Variants in CCDC25 observed in about 807,000 individuals in gnomAD.
CCDC25 encodes the protein coiled-coil domain containing 25.
A neutral mutation model predicts 35.3 loss-of-function variants in CCDC25; 16 were observed. That is an observed-to-expected ratio of 0.45 (90% CI 0.31 to 0.69). The LOEUF (loss-of-function observed/expected upper bound fraction) is 0.69. Ranked by LOEUF, CCDC25 falls within the 30% of genes least tolerant of loss-of-function variation. The pLI, the probability that CCDC25 is intolerant of heterozygous loss-of-function variation, is 0.06. For synonymous variants in CCDC25, 79 were observed against 80.3 expected (o/e 0.98, Z 0.09); for missense variants, 179 against 250.7 (o/e 0.71, Z 1.93).
intron 3 of CCDC25, among the ~76,000 whole-genome samples, chr8:27,760,909 T>C (rs1386534614): frequency 1.3e-5 from 2 of 152,144 alleles, no homozygotes; most frequent in Non-Finnish European, 2.9e-5. Context: ...GTAGATCACC[T>C]GAGGTTAGGA....
intron 4 of CCDC25, among the ~76,000 whole-genome samples, chr8:27,755,939 T>C (rs1254101960): frequency 6.6e-6 from 1 of 152,196 alleles, no homozygotes; most frequent in African/African-American, 2.4e-5. Context: ...CTAGACTGGC[T>C]ACTAGAACAA....
chr8:27,767,355 C>G (rs1804434950), intron 1 of CCDC25, among the ~76,000 whole-genome samples: 1 of 152,076 alleles, frequency 6.6e-6, no homozygotes, highest in Non-Finnish European at 1.5e-5. Flanking sequence ...GACAGCAAGA[C>G]TGTCTCAAAA....
chr8:27,756,590 C>T (rs938058045), intron 4 of CCDC25, 129 bp downstream of exon 4: 4 of 652,828 alleles, frequency 6.1e-6, no homozygotes, highest in African/African-American at 5.5e-5. Flanking sequence ...GAAGACACGT[C>T]TTCATTTGTT....
At chr8:27,771,883 G>C (rs1255164000) in intron 1 of CCDC25, 5 of 152,278 alleles carry the variant, frequency 3.3e-5, no homozygotes, top group African/African-American at 1.2e-4. Context: ...ACCAAGTCGG[G>C]ACACTGCATT....
At position 27,737,288 on chromosome 8, in the gene CCDC25, A is replaced by T. The variant is rs562996386; in HGVS notation, c.598-1043T>A. On this transcript the variant is annotated intron_variant, in intron 8 of 8. Coordinates refer to ENST00000356537, the MANE Select transcript of CCDC25 (RefSeq NM_018246.3). The surrounding 1 kb of genome is among the most constrained non-coding windows in gnomAD (Gnocchi z 4.6). ...TGCCCCAGAGTCTTAATCTGAAATAAAAGCAGTAGCAATGTTTGAAAGAGT... is the reference window on the plus strand; with the variant it reads ...TGCCCCAGAGTCTTAATCTGAAATATAAGCAGTAGCAATGTTTGAAAGAGT... 6.6e-6 allele frequency among the ~76,000 whole-genome samples: 1 copy of T among 152,336 alleles called. No homozygotes were observed. Among genetic ancestry groups the T allele is most frequent in the African/African-American group, 2.4e-5 (1 of 41,578 alleles).
intron 3 of CCDC25, among the ~76,000 whole-genome samples, chr8:27,760,459 G>T (rs1804186575): frequency 6.6e-6 from 1 of 152,186 alleles, no homozygotes; most frequent in African/African-American, 2.4e-5. Context: ...TCCAGCTGGG[G>T]TTGGCAGGAG....
intron 4 of CCDC25, among the ~76,000 whole-genome samples, chr8:27,756,145 T>C (rs1372256462): frequency 2.0e-5 from 3 of 152,220 alleles, no homozygotes; most frequent in African/African-American, 4.8e-5. Flanking sequence ...ATCTAACATT[T>C]TTCCAAAGTT....
intron 4 of CCDC25, among the ~76,000 whole-genome samples, chr8:27,755,663 C>T (rs909572972): frequency 2.0e-5 from 3 of 152,160 alleles, no homozygotes; most frequent in South Asian, 2.1e-4. Context: ...TCAAGGCTCA[C>T]GTCATCAATG....
rs1473440765 is a variant in CCDC25, at chr8:27,738,800, T to C, written c.597+1672A>G. 3.3e-5 allele frequency among the ~76,000 whole-genome samples: 5 copies of C among 152,280 alleles called. No homozygotes were observed. In the East Asian group the frequency reaches 7.7e-4, roughly 24 times the overall value. On this transcript the variant is annotated intron_variant, in intron 8 of 8. Transcript: ENST00000356537. ...AACCACAACAATGGCATCTGAGTTG[T>C]GGTATGTTGAAGACTACTGTTTAGT...
At chr8:27,769,274 A>T (rs532332333) in intron 1 of CCDC25, among the ~76,000 whole-genome samples, 2 of 152,342 alleles carry the variant, frequency 1.3e-5, no homozygotes, top group South Asian at 4.1e-4. Flanking sequence ...TTCTAACAGG[A>T]AACAGTTCTG....
chr8:27,769,798 T>C (rs1804523410), intron 1 of CCDC25, among the ~76,000 whole-genome samples: 1 of 152,090 alleles, frequency 6.6e-6, no homozygotes, highest in African/African-American at 2.4e-5. Flanking sequence ...AAAGAGAAAG[T>C]ATTGCCTTAT....
chr8:27,760,375 G>C (rs1437827782), intron 3 of CCDC25, among the ~76,000 whole-genome samples: 2 of 152,168 alleles, frequency 1.3e-5, no homozygotes, highest in Non-Finnish European at 2.9e-5. Context: ...ATTTCCATCA[G>C]CTAACTGCCT....
At chr8:27,747,920 T>C in intron 7 of CCDC25, 157 bp downstream of exon 7, 2 of 653,712 alleles carry the variant, frequency 3.1e-6, no homozygotes, top group Admixed American at 2.9e-5. Flanking sequence ...TTAATATAAA[T>C]GCCTTTTTTT....
chr8:27,748,564 C>G lies in CCDC25; in HGVS notation c.279G>C (p.Thr93=). The change falls in exon 6 of 9, where the codon ACG becomes ACC. Residue 93 remains threonine (T), a synonymous_variant. Coordinates refer to ENST00000356537, the MANE Select transcript of CCDC25 (RefSeq NM_018246.3). ...CTGTTTTCTTCAGGTTAGACCACGG[C>G]GTATATACCACATTAACGTTGTTCA... ...CKMNNVNVVY[T]PWSNLKKTAD... is the part of the protein sequence containing the mutation. 1 of 1,613,736 alleles carries G rather than the reference C, an allele frequency of 6.2e-7. No homozygotes were observed. The highest frequency in any genetic ancestry group is 8.5e-7 in the Non-Finnish European group (1 of 1,179,926).
At chr8:27,740,387 G>A (rs1297278113) in intron 8 of CCDC25, 85 bp downstream of exon 8, 11 of 1,327,048 alleles carry the variant, frequency 8.3e-6, no homozygotes, top group Non-Finnish European at 1.2e-5. Flanking sequence ...CAACATGTAA[G>A]GCAATAATGG....
intron 1 of CCDC25, chr8:27,772,183 T>A (rs1178457811): frequency 4.6e-6 from 2 of 437,914 alleles, no homozygotes; most frequent in East Asian, 4.0e-5. Flanking sequence ...GGAAGAAGAC[T>A]TGGGATAAGG....
intron 1 of CCDC25, among the ~76,000 whole-genome samples, chr8:27,768,185 C>A (rs992620977): frequency 2.6e-5 from 4 of 151,464 alleles, no homozygotes; most frequent in African/African-American, 9.7e-5. Context: ...AAGACTGTCT[C>A]AAAAAAAATT....
chr8:27,748,270 C>A lies in CCDC25; in HGVS notation c.358G>T (p.Val120Leu). The part of the protein sequence containing the change: ...GFHRQKDVKI[V>L]TVEKKVNEIL... ...TCATTTACTTTCTTCTCCACTGTCA[C>A]AATTTTTACCTTTAAGGGAGATAGG... Residue 120 changes from valine (V) to leucine (L), a missense_variant, in exon 7 of 9, where the codon GTG becomes TTG. Physicochemically the swap from Val to Leu is conservative, Grantham distance 32. Coordinates refer to ENST00000356537, the MANE Select transcript of CCDC25 (RefSeq NM_018246.3). 1.2e-6 allele frequency: 2 copies of A among 1,612,956 alleles called. No homozygotes were observed. Among genetic ancestry groups the A allele is most frequent in the Non-Finnish European group, 1.7e-6 (2 of 1,179,632 alleles).
In CCDC25 at chr8:27,736,242, C is replaced by T; in HGVS notation, c.601G>A (p.Gly201Ser). The stretch of plus-strand genomic sequence containing the variant: ...TACATGAATTCATCTGAATCATTGC[C>T]ATCCTGTAGGAAACACAAAAATGAG... The part of the protein sequence containing the change: ...KVENMSSNQD[G>S]NDSDEFM The change falls in exon 9 of 9, where the codon GGC (glycine) becomes AGC (serine). Residue 201 changes from glycine (G) to serine (S), a missense_variant. Physicochemically the swap from Gly to Ser is moderately conservative, Grantham distance 56. Transcript: ENST00000356537. The T allele has an allele frequency of 6.2e-7, 1 of 1,605,326 alleles. No individual in the cohort carries two copies. Among genetic ancestry groups the T allele is most frequent in the Non-Finnish European group, 8.5e-7 (1 of 1,176,236 alleles).
Sources: allele counts gnomAD v4.1 joint callset (sites outside exome capture counted in the v4.1 genomes callset), GRCh38; gene constraint gnomAD v4.1.1; non-coding constraint Gnocchi (gnomAD v3.1); transcripts MANE v1.5; gene names NCBI Gene and HGNC (gene_info 2026-07-23, HGNC 2026-07-21).